Variants in SLCO2B1 observed in about 807,000 individuals in gnomAD.
SLCO2B1 encodes solute carrier organic anion transporter family member 2B1.
Under a neutral mutation model 67.3 loss-of-function variants are expected in SLCO2B1, and 41 were observed. That is an observed-to-expected ratio of 0.61 (90% CI 0.47 to 0.79). The LOEUF (loss-of-function observed/expected upper bound fraction) is 0.79. Among genes scored for constraint, SLCO2B1 ranks in the 30% least tolerant of loss-of-function variants. The pLI, the probability that SLCO2B1 is intolerant of heterozygous loss-of-function variation, is 0.00. For synonymous variants in SLCO2B1, 379 were observed against 381.4 expected (o/e 0.99, Z 0.07); for missense variants, 837 against 920.1 (o/e 0.91, Z 1.17).
At chr11:75,201,312 C>T (rs1299068268) in intron 11 of SLCO2B1, 1 of 152,190 alleles carries the variant, frequency 6.6e-6, no homozygotes, top group African/African-American at 2.4e-5. Context: ...CATGAGCCAC[C>T]ACACTCGGCT....
At chr11:75,175,756 C>T (rs768405112) in intron 7 of SLCO2B1, among the ~76,000 whole-genome samples, 5 of 152,124 alleles carry the variant, frequency 3.3e-5, no homozygotes, top group Non-Finnish European at 7.3e-5. Flanking sequence ...CATTCCACAG[C>T]CCCTGCCCCG....
At chr11:75,182,507 C>T (rs896148536) in intron 7 of SLCO2B1, among the ~76,000 whole-genome samples, 2 of 152,216 alleles carry the variant, frequency 1.3e-5, no homozygotes, top group South Asian at 2.1e-4. Context: ...CTTTGGGATG[C>T]CAAGGCGGCC....
Position 75,165,629 on chromosome 11 carries a change from G to A in SLCO2B1, c.286-158G>A, listed in dbSNP as rs547600551. The stretch of plus-strand genomic sequence containing the variant: ...TTTCTCTCCCCTAAGGGGGCCGTGC[G>A]GCCCTTCCGAGGGGGACCCAGGAGA... On this transcript the variant is annotated intron_variant, in intron 3 of 13. Transcript: ENST00000289575. 1.3e-4 allele frequency among the ~76,000 whole-genome samples: 20 copies of A among 152,356 alleles called. No individual in the cohort carries two copies. In the South Asian group the frequency reaches 1.9e-3, roughly 14 times the overall value.
At chr11:75,187,959 T>C (rs1944962314) in intron 7 of SLCO2B1, among the ~76,000 whole-genome samples, 177 bp from the exon 8 acceptor site, 1 of 152,152 alleles carries the variant, frequency 6.6e-6, no homozygotes. Flanking sequence ...CAAAACCACT[T>C]GTTGGGTACC....
intron 8 of SLCO2B1, among the ~76,000 whole-genome samples, chr11:75,189,289 C>A (rs904008898): frequency 1.3e-5 from 2 of 152,142 alleles, no homozygotes; most frequent in Non-Finnish European, 2.9e-5. Flanking sequence ...TTGAGCCCTG[C>A]CCCTAACAGT....
At chr11:75,195,241 CTT>C (rs1292684858) in intron 9 of SLCO2B1, among the ~76,000 whole-genome samples, 3 of 152,210 alleles carry the variant, frequency 2.0e-5, no homozygotes, top group Non-Finnish European at 4.4e-5. Flanking sequence ...CTCCCTAGCT[CTT>C]ATCTGCTCAG....
intron 12 of SLCO2B1, 157 bp downstream of exon 12, chr11:75,203,122 G>C (rs1333765642): frequency 2.1e-5 from 24 of 1,132,392 alleles, no homozygotes; most frequent in Non-Finnish European, 3.0e-5. Context: ...CCTAGAGCGG[G>C]GTATAGAGGC....
intron 4 of SLCO2B1, among the ~76,000 whole-genome samples, chr11:75,166,975 G>A (rs916306972): frequency 2.0e-5 from 3 of 152,226 alleles, no homozygotes; most frequent in Admixed American, 2.0e-4. Flanking sequence ...GAGAGAAGAT[G>A]AAGCAGACAT....
Position 75,200,398 on chromosome 11 carries a change from G to A in SLCO2B1, c.1763+11G>A. The A allele has an allele frequency of 6.3e-7, 1 of 1,578,590 alleles. No homozygotes were observed. Among genetic ancestry groups the A allele is most frequent in the Non-Finnish European group, 8.6e-7 (1 of 1,157,788 alleles). ...CATGCTCATCCTAAGGTGAAGGTGG[G>A]GGTGGGGCAGGGGCAGGTGGATACC... On this transcript the variant is annotated intron_variant, in intron 11 of 13. Transcript: ENST00000289575.
chr11:75,188,297 C>A, intron 8 of SLCO2B1, 59 bp downstream of exon 8: 2 of 1,103,216 alleles, frequency 1.8e-6, no homozygotes, highest in South Asian at 1.3e-5. Context: ...TCGAGATTGT[C>A]AGGATCCAGT....
At chr11:75,181,692 G>T (rs544346213) in intron 7 of SLCO2B1, among the ~76,000 whole-genome samples, 2 of 152,240 alleles carry the variant, frequency 1.3e-5, no homozygotes, top group East Asian at 3.9e-4. Flanking sequence ...GCCTTCCATG[G>T]GCTGAGCTAC....
At chr11:75,201,023 C>CT (rs11396188) in intron 11 of SLCO2B1, 84,428 of 99,904 alleles carry the variant, frequency 0.85, 37,522 homozygotes, top group South Asian at 0.97. Flanking sequence ...ATAGTTTTTC[C>CT]TTTTTTTTTT....
rs774259845 is a variant in SLCO2B1, at chr11:75,172,393, A to G, written c.796A>G (p.Thr266Ala). 2 of 1,613,724 alleles carry G rather than the reference A, an allele frequency of 1.2e-6. No individual in the cohort carries two copies. The highest frequency in any genetic ancestry group is 2.2e-5 in the South Asian group (2 of 91,022). The change falls in exon 7 of 14, where the codon ACC (threonine) becomes GCC (alanine). Residue 266 changes from threonine (T) to alanine (A), a missense_variant. Physicochemically the swap from Thr to Ala is moderately conservative, Grantham distance 58. Coordinates refer to ENST00000289575, the MANE Select transcript of SLCO2B1 (RefSeq NM_007256.5). ...NQMPEGGISL[T>A]IKDPRWVGAW... ...TTCTCTTCCAGGTGGTATCAGCCTGACCATAAAGGACCCCCGATGGGTGGG... is the reference window on the plus strand; with the variant it reads ...TTCTCTTCCAGGTGGTATCAGCCTGGCCATAAAGGACCCCCGATGGGTGGG...
chr11:75,167,019 G>A (rs925099584), intron 4 of SLCO2B1, among the ~76,000 whole-genome samples: 2 of 152,188 alleles, frequency 1.3e-5, no homozygotes, highest in East Asian at 3.9e-4. Flanking sequence ...CGTGAGCACG[G>A]GCAACTCTGC....
chr11:75,196,773 C>T, intron 10 of SLCO2B1, 94 bp downstream of exon 10: 4 of 1,126,636 alleles, frequency 3.6e-6, no homozygotes, highest in Non-Finnish European at 5.1e-6. Context: ...TGCATGCTCT[C>T]ACTCTGTAGC....
At position 75,174,813 on chromosome 11, in the gene SLCO2B1, CG is replaced by C. The variant is rs145378168; in HGVS notation, c.972+2247del. 3.5e-3 allele frequency among the ~76,000 whole-genome samples: 531 copies of C among 152,230 alleles called. 2 individuals carry two copies. Among genetic ancestry groups the C allele is most frequent in the African/African-American group, 0.012 (508 of 41,506 alleles). ...ACAGAGAAGAATGCCAGTTGAGCCA[CG>C]GGTGGGATAGGTGACAGAAGCAAAG... On this transcript the variant is annotated intron_variant, in intron 7 of 13. Transcript: ENST00000289575.
chr11:75,186,674 C>A (rs915187921), intron 7 of SLCO2B1, among the ~76,000 whole-genome samples: 1 of 152,276 alleles, frequency 6.6e-6, no homozygotes, highest in African/African-American at 2.4e-5. Context: ...CTTCTTCCAG[C>A]TAATTTTTTG....
At chr11:75,180,345 T>C (rs753418797) in intron 7 of SLCO2B1, among the ~76,000 whole-genome samples, 6 of 152,232 alleles carry the variant, frequency 3.9e-5, no homozygotes, top group Non-Finnish European at 7.3e-5. Flanking sequence ...ACTGATTTCA[T>C]TTCCTTTGGA....
chr11:75,178,422 C>G (rs971109466), intron 7 of SLCO2B1, among the ~76,000 whole-genome samples: 1 of 152,196 alleles, frequency 6.6e-6, no homozygotes, highest in Non-Finnish European at 1.5e-5. Flanking sequence ...AAGGGGAAAA[C>G]TAAGAGAAAA....
Sources: allele counts gnomAD v4.1 joint callset (sites outside exome capture counted in the v4.1 genomes callset), GRCh38; gene constraint gnomAD v4.1.1; transcripts MANE v1.5; gene names NCBI Gene and HGNC (gene_info 2026-07-23, HGNC 2026-07-21).